CC2D2B: variants seen among roughly 807,000 people sequenced by gnomAD.
The protein encoded by CC2D2B is coiled-coil and C2 domain containing 2B, also known as protein CC2D2B.
CC2D2B carries 128 observed loss-of-function variants against 161.2 expected under a neutral mutation model. The ratio of observed to expected loss-of-function variants is 0.79; its 90% CI spans 0.69 to 0.92. The LOEUF is 0.92. Ranked by LOEUF, CC2D2B falls within the 40% of genes least tolerant of loss-of-function variation. The pLI is 0.00. For synonymous variants in CC2D2B, 391 were observed against 449.8 expected, an observed-to-expected ratio of 0.87 and a Z score of 1.65; for missense variants, 1,173 against 1,375.1, an observed-to-expected ratio of 0.85 and a Z score of 2.32.
In CC2D2B at chr10:95,941,811, C is replaced by T. The variant is rs1418004912; in HGVS notation, c.801+2886C>T. On this transcript the variant is annotated intron_variant, in intron 9 of 34. Coordinates refer to ENST00000646931, the MANE Select transcript of CC2D2B (RefSeq NM_001349008.3). ...GTTCCTCTGCAAATTTAAAATAGAA[C>T]CGTAATATGATCCAACAATCTCACT... 3.3e-5 allele frequency among the ~76,000 whole-genome samples: 5 copies of T among 152,060 alleles called. No homozygotes were observed. The East Asian group carries it at 9.6e-4, about 29-fold the overall frequency.
intron 19 of CC2D2B, among the ~76,000 whole-genome samples, chr10:95,987,017 C>G (rs1371144764): frequency 2.0e-5 from 3 of 152,028 alleles, no homozygotes; most frequent in Non-Finnish European, 4.4e-5. Context: ...AAACTTAATA[C>G]TTTAAAAGTA....
intron 12 of CC2D2B, among the ~76,000 whole-genome samples, chr10:95,964,881 C>T (rs1474424608): frequency 4.6e-5 from 7 of 152,088 alleles, no homozygotes; most frequent in East Asian, 1.9e-4. Flanking sequence ...CAACAATCAC[C>T]GCAATTTAAT....
In CC2D2B at chr10:95,935,374, C is replaced by T. The variant is rs147323082; in HGVS notation, c.337-2617C>T. 4.6e-3 allele frequency among the ~76,000 whole-genome samples: 706 copies of T among 152,306 alleles called. 2 individuals are homozygous for T. Among genetic ancestry groups the T allele is most frequent in the Non-Finnish European group, 7.9e-3 (537 of 68,020 alleles). The stretch of plus-strand genomic sequence containing the variant: ...CAGCCTCTCTGGTACTTCACCATAG[C>T]CTCTCATCAGAATCACTGCCACTGT... On this transcript the variant is annotated intron_variant, in intron 6 of 34. Transcript: ENST00000646931.
intron 33 of CC2D2B, among the ~76,000 whole-genome samples, chr10:96,026,209 G>T (rs2079767840): frequency 6.6e-6 from 1 of 152,170 alleles, no homozygotes; most frequent in South Asian, 2.1e-4. Flanking sequence ...ATACACTGCA[G>T]TTAGAGAATC....
chr10:96,012,246 C>T lies in CC2D2B; in HGVS notation c.3107C>T (p.Thr1036Ile). 1.4e-6 allele frequency: 1 copy of T among 710,396 alleles called. No individual in the cohort carries two copies. The highest frequency in any genetic ancestry group is 2.1e-5 in the Admixed American group (1 of 48,272). 44.0% of individuals were successfully genotyped at this position (710,396 alleles called of 1,614,324 possible). A position where few individuals can be genotyped will look rare whatever the true frequency, so the allele number is the denominator to read the frequency against. Residue 1036 changes from threonine (T) to isoleucine (I), a missense_variant, in exon 27 of 35, where the codon ACT becomes ATT. Physicochemically the swap from Thr to Ile is moderately conservative, Grantham distance 89. This residue lies in a region of CC2D2B where 598 missense variants were observed against 693.2 expected (regional missense o/e 0.86). Transcript: ENST00000646931. The stretch of plus-strand genomic sequence containing the variant: ...TTGCTCGGGTATACTTGGAGTAATA[C>T]TTATGTATTTCCTAAAGAAGATTCC... ...PVLLGYTWSN[T>I]YVFPKEDSNE...
chr10:96,004,728 C>T (rs1480902676), intron 25 of CC2D2B, among the ~76,000 whole-genome samples: 1 of 152,202 alleles, frequency 6.6e-6, no homozygotes, highest in Non-Finnish European at 1.5e-5. Flanking sequence ...AGCACCCTAG[C>T]AAGCTCCAAA....
intron 17 of CC2D2B, among the ~76,000 whole-genome samples, chr10:95,976,491 C>G (rs1263845644): frequency 6.6e-6 from 1 of 152,190 alleles, no homozygotes; most frequent in Non-Finnish European, 1.5e-5. Flanking sequence ...CTCTCTAAGT[C>G]AAACTTTACA....
At chr10:95,946,706 G>A (rs1191216968) in intron 9 of CC2D2B, among the ~76,000 whole-genome samples, 1 of 152,018 alleles carries the variant, frequency 6.6e-6, no homozygotes, top group African/African-American at 2.4e-5. Context: ...AACCCAGTAA[G>A]GAAGAAGGAA....
At chr10:95,930,962 A>C (rs1265637319) in intron 6 of CC2D2B, among the ~76,000 whole-genome samples, 1 of 152,208 alleles carries the variant, frequency 6.6e-6, no homozygotes, top group East Asian at 1.9e-4. Flanking sequence ...AGGGAATGAT[A>C]TCAGCTCCTC....
chr10:95,927,740 C>T (rs1233206302), intron 6 of CC2D2B, among the ~76,000 whole-genome samples: 3 of 150,690 alleles, frequency 2.0e-5, no homozygotes, highest in Non-Finnish European at 4.4e-5. Flanking sequence ...TTTCCAAGGG[C>T]CCTACATTGT....
At chr10:95,982,192 A>G in intron 18 of CC2D2B, 79 bp downstream of exon 18, 1 of 984,106 alleles carries the variant, frequency 1.0e-6, no homozygotes, top group Non-Finnish European at 1.3e-6. Flanking sequence ...TTTCCCCCAT[A>G]GTTTGCTGTA....
chr10:95,958,323 C>G (rs920468176), intron 11 of CC2D2B, among the ~76,000 whole-genome samples: 2 of 152,038 alleles, frequency 1.3e-5, no homozygotes, highest in Non-Finnish European at 2.9e-5. Context: ...GAAACCCCAA[C>G]TGTACTAAAA....
chr10:95,993,268 G>C (rs1031225187), intron 22 of CC2D2B, among the ~76,000 whole-genome samples: 2 of 152,044 alleles, frequency 1.3e-5, no homozygotes, highest in Non-Finnish European at 2.9e-5. Context: ...CTAGTGGGTG[G>C]GCAAAGTACA....
chr10:95,987,109 G>C (rs2077759992), intron 19 of CC2D2B, among the ~76,000 whole-genome samples: 1 of 152,038 alleles, frequency 6.6e-6, no homozygotes. Flanking sequence ...CAGATCACAA[G>C]GTCAGGGTTT....
intron 17 of CC2D2B, among the ~76,000 whole-genome samples, chr10:95,980,506 T>C (rs2077476425): frequency 6.6e-6 from 1 of 152,162 alleles, no homozygotes; most frequent in Non-Finnish European, 1.5e-5. Context: ...GAGGCTGTCT[T>C]CTAGGTGATC....
At chr10:95,951,499 A>G (rs1232011591) in intron 10 of CC2D2B, among the ~76,000 whole-genome samples, 2 of 152,194 alleles carry the variant, frequency 1.3e-5, no homozygotes, top group Non-Finnish European at 2.9e-5. Flanking sequence ...GGGAGAACTT[A>G]ATAGATGAAC....
chr10:95,972,548 A>AG lies in CC2D2B; in HGVS notation c.1795+334dup, dbSNP rs1362945194. Among the ~76,000 whole-genome samples, 37 of 152,290 alleles carry AG rather than the reference A, an allele frequency of 2.4e-4. 1 individual carries two copies. Among genetic ancestry groups the AG allele is most frequent in the South Asian group, 4.1e-4 (2 of 4,830 alleles). ...AGGCTGGTCTCAAACTCCTGATCTC[A>AG]GGTGATCCGCCCCCCTCAGCCTCCC... On this transcript the variant is annotated intron_variant, in intron 16 of 34. Coordinates refer to ENST00000646931, the MANE Select transcript of CC2D2B (RefSeq NM_001349008.3).
intron 17 of CC2D2B, among the ~76,000 whole-genome samples, chr10:95,976,005 AG>A (rs2077299814): frequency 6.6e-6 from 1 of 152,086 alleles, no homozygotes. Flanking sequence ...CCTCACTCTG[AG>A]GCTAACTTTT....
At chr10:95,977,144 C>T (rs1353692829) in intron 17 of CC2D2B, among the ~76,000 whole-genome samples, 1 of 151,926 alleles carries the variant, frequency 6.6e-6, no homozygotes, top group Non-Finnish European at 1.5e-5. Flanking sequence ...CCAAGGTGGG[C>T]AGATCACCTG....
Sources: gnomAD v4.1 joint callset for allele counts (sites outside exome capture counted in the v4.1 genomes callset) on GRCh38, gnomAD v4.1.1 for gene constraint, gnomAD v4.1.1 regional missense constraint, MANE v1.5 for transcripts, NCBI Gene and HGNC (gene_info 2026-07-23, HGNC 2026-07-21) for gene names.